The following PLA2G4A variants were observed in gnomAD, a reference collection of about 807,000 sequenced individuals.
PLA2G4A encodes phospholipase A2 group IVA, also known as cytosolic phospholipase A2.
Under a neutral mutation model 81.9 loss-of-function variants are expected in PLA2G4A, and 40 were observed. The ratio of observed to expected loss-of-function variants is 0.49; its 90% CI spans 0.38 to 0.64. The LOEUF is 0.64. PLA2G4A is among the 30% of genes least tolerant of loss of function. PLA2G4A has a pLI of 0.00. For missense variants in PLA2G4A, 715 were observed against 905.1 expected (o/e 0.79, Z 2.69); for synonymous variants, 302 against 296.9 (o/e 1.02, Z -0.18).
intron 3 of PLA2G4A, among the ~76,000 whole-genome samples, chr1:186,871,745 A>G (rs566017337): frequency 7.9e-5 from 12 of 152,260 alleles, no homozygotes; most frequent in African/African-American, 2.6e-4. Context: ...CATTAATGCA[A>G]TGGAAAGAAT....
intron 8 of PLA2G4A, among the ~76,000 whole-genome samples, chr1:186,937,739 AAT>A (rs750067083): frequency 0.033 from 1,844 of 56,406 alleles, 41 homozygotes; most frequent in African/African-American, 0.18. Flanking sequence ...CTAAAAAAAA[AAT>A]AGCCTACTGG....
At chr1:186,850,110 G>A (rs769227050) in intron 1 of PLA2G4A, among the ~76,000 whole-genome samples, 5 of 152,138 alleles carry the variant, frequency 3.3e-5, no homozygotes, top group Non-Finnish European at 7.4e-5. Flanking sequence ...AATCAATTCA[G>A]TGGGCTGTTA....
chr1:186,920,819 G>A (rs191638453), intron 7 of PLA2G4A, among the ~76,000 whole-genome samples: 57 of 152,248 alleles, frequency 3.7e-4, no homozygotes, highest in Non-Finnish European at 5.4e-4. Flanking sequence ...CTTTCTCTGC[G>A]GCTTGTTGCA....
At chr1:186,915,799 G>A (rs1655115829) in intron 7 of PLA2G4A, among the ~76,000 whole-genome samples, 2 of 152,120 alleles carry the variant, frequency 1.3e-5, no homozygotes, top group African/African-American at 4.8e-5. Flanking sequence ...TGTTTTTGTG[G>A]TACCATTATA....
intron 3 of PLA2G4A, among the ~76,000 whole-genome samples, chr1:186,879,895 T>C (rs1653664753): frequency 6.6e-6 from 1 of 151,794 alleles, no homozygotes; most frequent in Non-Finnish European, 1.5e-5. Flanking sequence ...AACATGCAGG[T>C]TTGTTACATA....
intron 2 of PLA2G4A, among the ~76,000 whole-genome samples, chr1:186,855,762 C>A (rs1652529433): frequency 6.6e-6 from 1 of 151,948 alleles, no homozygotes; most frequent in South Asian, 2.1e-4. Context: ...TACTGATAAC[C>A]ATCATATTCT....
intron 13 of PLA2G4A, among the ~76,000 whole-genome samples, chr1:186,951,785 T>C (rs1289397747): frequency 6.6e-6 from 1 of 152,178 alleles, no homozygotes; most frequent in Non-Finnish European, 1.5e-5. Context: ...GGCTAGTGTA[T>C]GTTGTCTTGC....
At chr1:186,859,683 A>C (rs1383506053) in intron 2 of PLA2G4A, among the ~76,000 whole-genome samples, 4 of 152,172 alleles carry the variant, frequency 2.6e-5, no homozygotes, top group African/African-American at 9.6e-5. Context: ...AAATATAGAA[A>C]GCTATTATTC....
chr1:186,865,809 C>T (rs1334515243), intron 2 of PLA2G4A, among the ~76,000 whole-genome samples: 1 of 152,056 alleles, frequency 6.6e-6, no homozygotes, highest in East Asian at 1.9e-4. Flanking sequence ...ATCATAGTTA[C>T]ATATATCAAT....
chr1:186,877,841 C>T (rs967062600), intron 3 of PLA2G4A, among the ~76,000 whole-genome samples: 2 of 149,340 alleles, frequency 1.3e-5, no homozygotes, highest in African/African-American at 4.9e-5. Context: ...ATATTGCTTC[C>T]TTTTTTGCTT....
At chr1:186,942,727 C>A (rs1182201223) in intron 10 of PLA2G4A, among the ~76,000 whole-genome samples, 1 of 151,954 alleles carries the variant, frequency 6.6e-6, no homozygotes, top group Non-Finnish European at 1.5e-5. Context: ...AGTGGATATT[C>A]TGGGTTCTTT....
At chr1:186,902,624 C>T (rs1309598811) in intron 5 of PLA2G4A, among the ~76,000 whole-genome samples, 5 of 152,088 alleles carry the variant, frequency 3.3e-5, no homozygotes, top group South Asian at 2.1e-4. Context: ...GTGAAAATGG[C>T]CAGTTCCTGC....
At chr1:186,915,714 G>A (rs1373613450) in intron 7 of PLA2G4A, among the ~76,000 whole-genome samples, 1 of 152,016 alleles carries the variant, frequency 6.6e-6, no homozygotes, top group Non-Finnish European at 1.5e-5. Flanking sequence ...ACTCCGGGTG[G>A]GTCCACACGA....
rs1176104126 is a variant in PLA2G4A at position 186,946,737 on chromosome 1, T to C, written c.1134T>C (p.Val378=). The change falls in exon 11 of 18, where the codon GTT becomes GTC. Residue 378 remains valine, a synonymous_variant. Transcript: ENST00000367466. The part of the protein sequence containing the change: ...FGSKFFMGTV[V]KKYEENPLHF... ...GCAAATTTTTTATGGGAACAGTCGT[T>C]AAGAAGTATGAAGAAAACCCCTTGC... 6.2e-7 allele frequency: 1 copy of C among 1,612,208 alleles called. No homozygotes were observed. Among genetic ancestry groups the C allele is most frequent in the Non-Finnish European group, 8.5e-7 (1 of 1,178,632 alleles).
At chr1:186,868,198 C>T (rs1446697382) in intron 2 of PLA2G4A, among the ~76,000 whole-genome samples, 2 of 151,442 alleles carry the variant, frequency 1.3e-5, no homozygotes, top group Non-Finnish European at 2.9e-5. Context: ...CTTCAGCCTC[C>T]CAAGTAGCTG....
At chr1:186,836,555 A>T (rs551671263) in intron 1 of PLA2G4A, among the ~76,000 whole-genome samples, 38 of 152,192 alleles carry the variant, frequency 2.5e-4, no homozygotes, top group Non-Finnish European at 5.0e-4. Flanking sequence ...AATACTTAGA[A>T]AAAGAACAGG....
chr1:186,850,606 C>T (rs1357234692), intron 1 of PLA2G4A, among the ~76,000 whole-genome samples: 2 of 152,208 alleles, frequency 1.3e-5, no homozygotes, highest in East Asian at 1.9e-4. Flanking sequence ...AAAGTATCTC[C>T]TATGAAGCTA....
At chr1:186,947,331 G>A (rs925648771) in intron 12 of PLA2G4A, among the ~76,000 whole-genome samples, 25 of 151,978 alleles carry the variant, frequency 1.6e-4, no homozygotes, top group African/African-American at 6.0e-4. Context: ...ATGTAACACT[G>A]AAGCTTATGC....
At position 186,977,689 on chromosome 1, in the gene PLA2G4A, T is replaced by C; in HGVS notation, c.1861T>C (p.Tyr621His). The change falls in exon 16 of 18, where the codon TAT becomes CAT. Residue 621 changes from tyrosine to histidine, a missense_variant. By Grantham distance (83) the Tyr-to-His change is moderately conservative. Coordinates refer to ENST00000367466, the MANE Select transcript of PLA2G4A (RefSeq NM_024420.3). ...VFDREGLKEC[Y>H]VFKPKNPDME... ...TGATCGGGAAGGGCTGAAGGAGTGCTATGTCTTTAAACCCAAGAATCCTGA... is the reference window on the plus strand; with the variant it reads ...TGATCGGGAAGGGCTGAAGGAGTGCCATGTCTTTAAACCCAAGAATCCTGA... 6.2e-7 allele frequency: 1 copy of C among 1,612,792 alleles called. No individual in the cohort carries two copies. The highest frequency in any genetic ancestry group is 8.5e-7 in the Non-Finnish European group (1 of 1,178,782).
Sources: gnomAD v4.1 joint callset for allele counts (sites outside exome capture counted in the v4.1 genomes callset) on GRCh38, gnomAD v4.1.1 for gene constraint, MANE v1.5 for transcripts, NCBI Gene and HGNC (gene_info 2026-07-23, HGNC 2026-07-21) for gene names.